TPMT: variants seen among roughly 807,000 people sequenced by gnomAD.
TPMT encodes thiopurine S-methyltransferase, also known as S-adenosyl-L-methionine:thiopurine S-methyltransferase.
A neutral mutation model predicts 34.2 loss-of-function variants in TPMT; 18 were observed. The ratio of observed to expected loss-of-function variants is 0.53; its 90% CI spans 0.36 to 0.78. TPMT has a LOEUF of 0.78. TPMT is among the 30% of genes least tolerant of loss of function. The pLI is 0.00. For synonymous variants in TPMT, 69 were observed against 92.4 expected, an observed-to-expected ratio of 0.75 and a Z score of 1.45; for missense variants, 265 against 288.1, an observed-to-expected ratio of 0.92 and a Z score of 0.58.
chr6:18,143,847 T>C lies in TPMT; in HGVS notation c.234-119A>G, dbSNP rs1392131978. 1.4e-5 allele frequency: 19 copies of C among 1,344,956 alleles called. No individual in the cohort carries two copies. The highest frequency in any genetic ancestry group is 1.3e-4 in the South Asian group (10 of 77,506). 83.3% of individuals were successfully genotyped at this position (1,344,956 alleles called of 1,614,324 possible). On this transcript the variant is annotated intron_variant, in intron 3 of 8. Coordinates refer to ENST00000309983, the MANE Select transcript of TPMT (RefSeq NM_000367.5). This position sits in a 1 kb window ranked among gnomAD's most constrained non-coding sequence, Gnocchi z 6.1. ...AGGAATTTATATGAATTCAGGTTCA[T>C]AGGGTTTCAAAGAACATGCAGGAAA...
chr6:18,132,790 AT>A lies in TPMT; in HGVS notation c.581-614del, dbSNP rs1783969953. Among the ~76,000 whole-genome samples the A allele has an allele frequency of 6.6e-6, 1 of 151,816 alleles. No homozygotes were observed. Among genetic ancestry groups the A allele is most frequent in the Admixed American group, 6.6e-5 (1 of 15,216 alleles). On this transcript the variant is annotated intron_variant, in intron 7 of 8. Transcript: ENST00000309983. This position sits in a 1 kb window ranked among gnomAD's most constrained non-coding sequence, Gnocchi z 4.8. ...TAATGAGTTTTTAAGACCCCAATTT[AT>A]TCAAGCAGAAACAAAATACTAGCTG... is the stretch of plus-strand genomic sequence containing the variant.
chr6:18,149,230 C>G lies in TPMT; in HGVS notation c.-44-59G>C. ...AGGTCATTGGAATTCTATTGATGAA[C>G]TAAATGAAAACCTATTATTCTTAGC... On this transcript the variant is annotated intron_variant, in intron 1 of 8. Transcript: ENST00000309983. This position sits in a 1 kb window ranked among gnomAD's most constrained non-coding sequence, Gnocchi z 5.0. 1 of 1,390,096 alleles carries G rather than the reference C, an allele frequency of 7.2e-7. No individual in the cohort carries two copies. The highest frequency in any genetic ancestry group is 1.0e-6 in the Non-Finnish European group (1 of 983,322). 86.1% of individuals were successfully genotyped at this position (1,390,096 alleles called of 1,614,324 possible).
rs1784117514 is a variant in TPMT at position 18,140,359 on chromosome 6, CA to C, written c.367-643del. Among the ~76,000 whole-genome samples, 1 of 152,186 alleles carries C rather than the reference CA, an allele frequency of 6.6e-6. No homozygotes were observed. The highest frequency in any genetic ancestry group is 2.1e-4 in the South Asian group (1 of 4,832). On this transcript the variant is annotated intron_variant, in intron 4 of 8. Coordinates refer to ENST00000309983, the MANE Select transcript of TPMT (RefSeq NM_000367.5). This position sits in a 1 kb window ranked among gnomAD's most constrained non-coding sequence, Gnocchi z 4.7. ...AACTATGTGAACACAGAAGGCAGAGCAGGGGCCTGCCTGGGAGCATCAGGGA... is the reference window on the plus strand; with the variant it reads ...AACTATGTGAACACAGAAGGCAGAGCGGGGCCTGCCTGGGAGCATCAGGGA...
intron 4 of TPMT, among the ~76,000 whole-genome samples, chr6:18,141,605 G>A (rs916713763): frequency 3.9e-5 from 6 of 152,142 alleles, no homozygotes; most frequent in Non-Finnish European, 5.9e-5. Flanking sequence ...CACCCAAAGT[G>A]CTGGGATTAC....
At chr6:18,151,572 A>AGATTGATTGATT (rs200164729) in intron 1 of TPMT, among the ~76,000 whole-genome samples, 36 of 141,588 alleles carry the variant, frequency 2.5e-4, no homozygotes, top group Middle Eastern at 6.9e-3. Flanking sequence ...TTGGAAACCT[A>AGATTGATTGATT]GATTTATTTA....
At position 18,150,517 on chromosome 6, in the gene TPMT, G is replaced by A. The variant is rs1446577373; in HGVS notation, c.-44-1346C>T. 1.3e-5 allele frequency among the ~76,000 whole-genome samples: 2 copies of A among 152,178 alleles called. No individual in the cohort carries two copies. The highest frequency in any genetic ancestry group is 3.9e-4 in the East Asian group (2 of 5,172). Reference sequence around the variant, plus strand: ...AATCTTGGTAGACAGCTAGCTTTCTGGGATCGCTCTTCATCATCATTCTGG... The same window carrying A: ...AATCTTGGTAGACAGCTAGCTTTCTAGGATCGCTCTTCATCATCATTCTGG... On this transcript the variant is annotated intron_variant, in intron 1 of 8. Transcript: ENST00000309983. The surrounding 1 kb of genome is among the most constrained non-coding windows in gnomAD (Gnocchi z 5.3).
At position 18,132,688 on chromosome 6, in the gene TPMT, G is replaced by A. The variant is rs1449259909; in HGVS notation, c.581-511C>T. ...ATGGAATTTAAATCAGATTAGCAGA[G>A]CTAACTTCTGCCTCTATTAATTTCT... On this transcript the variant is annotated intron_variant, in intron 7 of 8. Coordinates refer to ENST00000309983, the MANE Select transcript of TPMT (RefSeq NM_000367.5). The surrounding 1 kb of genome is among the most constrained non-coding windows in gnomAD (Gnocchi z 4.8). Among the ~76,000 whole-genome samples the A allele has an allele frequency of 6.6e-6, 1 of 152,114 alleles. No homozygotes were observed. The highest frequency in any genetic ancestry group is 1.5e-5 in the Non-Finnish European group (1 of 68,020).
At position 18,140,591 on chromosome 6, in the gene TPMT, C is replaced by T. The variant is rs542361771; in HGVS notation, c.367-874G>A. 5.9e-5 allele frequency among the ~76,000 whole-genome samples: 9 copies of T among 152,128 alleles called. No individual in the cohort carries two copies. The South Asian group carries it at 6.2e-4, about 11-fold the overall frequency. On this transcript the variant is annotated intron_variant, in intron 4 of 8. Transcript: ENST00000309983. The surrounding 1 kb of genome is among the most constrained non-coding windows in gnomAD (Gnocchi z 4.7). ...TCCAGCTACCTGGGAGGCTGACATG[C>T]GAGGGTCACTTGAGCCTGGGAGGTC...
In TPMT at chr6:18,145,931, T is replaced by A. The variant is rs1474699484; in HGVS notation, c.233+1892A>T. ...TCAAGGTTGCAGTGAGCTATGATCA[T>A]GCCACTGCACTCCACCCTGGGTGAC... On this transcript the variant is annotated intron_variant, in intron 3 of 8. Transcript: ENST00000309983. This position sits in a 1 kb window ranked among gnomAD's most constrained non-coding sequence, Gnocchi z 5.6. Among the ~76,000 whole-genome samples the A allele has an allele frequency of 6.6e-6, 1 of 152,148 alleles. No homozygotes were observed. The highest frequency in any genetic ancestry group is 1.5e-5 in the Non-Finnish European group (1 of 68,034).
rs960947350 is a variant in TPMT at position 18,140,771 on chromosome 6, G to C, written c.367-1054C>G. Among the ~76,000 whole-genome samples the C allele has an allele frequency of 1.3e-5, 2 of 152,178 alleles. No homozygotes were observed. The highest frequency in any genetic ancestry group is 2.9e-5 in the Non-Finnish European group (2 of 68,032). On this transcript the variant is annotated intron_variant, in intron 4 of 8. Transcript: ENST00000309983. This position sits in a 1 kb window ranked among gnomAD's most constrained non-coding sequence, Gnocchi z 4.7. ...TAAAACAAAAAAAGAGGTGACTTTT[G>C]AAAGGGTGACACTCTAGGGTGTGGA...
In TPMT at chr6:18,130,528, TAAAAAGCCA is replaced by T; in HGVS notation, c.*131_*139del. 3.1e-6 allele frequency: 2 copies of T among 651,754 alleles called. No homozygotes were observed. The highest frequency in any genetic ancestry group is 5.3e-6 in the Non-Finnish European group (2 of 377,534). The allele number at this position is 651,754 out of a possible 1,614,324, so 40.4% of individuals were successfully genotyped here. On this transcript the variant is annotated 3_prime_UTR_variant, in exon 9 of 9. Coordinates refer to ENST00000309983, the MANE Select transcript of TPMT (RefSeq NM_000367.5). The surrounding 1 kb of genome is among the most constrained non-coding windows in gnomAD (Gnocchi z 4.2). ...TTTTAGAAAAAGTAAATGGCTTTAC[TAAAAAGCCA>T]TTTTTAGTAAAGATCTATCATATGA...
chr6:18,137,728 A>G (rs1313191871), intron 6 of TPMT, among the ~76,000 whole-genome samples: 2 of 152,140 alleles, frequency 1.3e-5, no homozygotes, highest in Non-Finnish European at 2.9e-5. Context: ...CATTTCTTTC[A>G]ATTCCCACAA....
At position 18,136,557 on chromosome 6, in the gene TPMT, C is replaced by G. The variant is rs1784043287; in HGVS notation, c.494+2406G>C. On this transcript the variant is annotated intron_variant, in intron 6 of 8. Transcript: ENST00000309983. This position sits in a 1 kb window ranked among gnomAD's most constrained non-coding sequence, Gnocchi z 4.7. ...AGGCGTGGTGGCTTACACCTCTAATCCCAGCACCGGGTGGCCGAGGCGGGT... is the reference window on the plus strand; with the variant it reads ...AGGCGTGGTGGCTTACACCTCTAATGCCAGCACCGGGTGGCCGAGGCGGGT... Among the ~76,000 whole-genome samples, 1 of 152,202 alleles carries G rather than the reference C, an allele frequency of 6.6e-6. No individual in the cohort carries two copies. Among genetic ancestry groups the G allele is most frequent in the African/African-American group, 2.4e-5 (1 of 41,456 alleles).
In TPMT at chr6:18,139,769, T is replaced by C. The variant is rs16880279; in HGVS notation, c.367-52A>G. 215 of 1,311,246 alleles carry C rather than the reference T, an allele frequency of 1.6e-4. No homozygotes were observed. The African/African-American group carries it at 2.9e-3, about 18-fold the overall frequency. The allele number at this position is 1,311,246 out of a possible 1,614,324, so 81.2% of individuals were successfully genotyped here. The stretch of plus-strand genomic sequence containing the variant: ...TTTTTTTTTTTACTTAGTAAGTACT[T>C]GAATAGTCAAGGAAAGAGGGCCAAG... On this transcript the variant is annotated intron_variant, in intron 4 of 8. Transcript: ENST00000309983. This position sits in a 1 kb window ranked among gnomAD's most constrained non-coding sequence, Gnocchi z 4.2.
chr6:18,137,466 T>C (rs1040560001), intron 6 of TPMT, among the ~76,000 whole-genome samples: 2 of 152,172 alleles, frequency 1.3e-5, no homozygotes, highest in African/African-American at 4.8e-5. Flanking sequence ...GTCTGCTCCA[T>C]ACAACTAAGT....
chr6:18,151,730 C>T (rs1784358249), intron 1 of TPMT, among the ~76,000 whole-genome samples: 1 of 152,026 alleles, frequency 6.6e-6, no homozygotes, highest in Admixed American at 6.6e-5. Context: ...GTATCTGGGA[C>T]TGCAGCTGCA....
rs752308547 is a variant in TPMT, at chr6:18,154,785, GA to G, written c.-45+247del. Among the ~76,000 whole-genome samples the G allele has an allele frequency of 5.1e-4, 77 of 150,670 alleles. 1 individual carries two copies. Among genetic ancestry groups the G allele is most frequent in the Admixed American group, 1.1e-3 (16 of 15,162 alleles). ...GAGACCCTGTCTCTAAAAGAAAAAAGAAAAAAAAATAATTAAAACACACCAG... is the reference window on the plus strand; with the variant it reads ...GAGACCCTGTCTCTAAAAGAAAAAAGAAAAAAAATAATTAAAACACACCAG... On this transcript the variant is annotated intron_variant, in intron 1 of 8. Coordinates refer to ENST00000309983, the MANE Select transcript of TPMT (RefSeq NM_000367.5). This position sits in a 1 kb window ranked among gnomAD's most constrained non-coding sequence, Gnocchi z 4.2.
Position 18,140,605 on chromosome 6 carries a change from G to A in TPMT, c.367-888C>T, listed in dbSNP as rs934909379. On this transcript the variant is annotated intron_variant, in intron 4 of 8. Transcript: ENST00000309983. This position sits in a 1 kb window ranked among gnomAD's most constrained non-coding sequence, Gnocchi z 4.7. ...AGGCTGACATGCGAGGGTCACTTGA[G>A]CCTGGGAGGTCAAGGCTGCAGTGAG... Among the ~76,000 whole-genome samples the A allele has an allele frequency of 6.6e-6, 1 of 152,152 alleles. No individual in the cohort carries two copies. The highest frequency in any genetic ancestry group is 6.5e-5 in the Admixed American group (1 of 15,268).
At chr6:18,152,489 A>T (rs1249169026) in intron 1 of TPMT, among the ~76,000 whole-genome samples, 1 of 152,184 alleles carries the variant, frequency 6.6e-6, no homozygotes, top group Non-Finnish European at 1.5e-5. Flanking sequence ...TGGGAAATGC[A>T]CACTAAGGAA....
Sources: gnomAD v4.1 joint callset for allele counts (sites outside exome capture counted in the v4.1 genomes callset) on GRCh38, gnomAD v4.1.1 for gene constraint, Gnocchi (gnomAD v3.1) non-coding constraint, MANE v1.5 for transcripts, NCBI Gene and HGNC (gene_info 2026-07-23, HGNC 2026-07-21) for gene names.